The following ASTN2 variants were observed in gnomAD, a reference collection of about 807,000 sequenced individuals.
ASTN2 encodes astrotactin 2.
A neutral mutation model predicts 139.8 loss-of-function variants in ASTN2; 54 were observed. The ratio of observed to expected loss-of-function variants is 0.39; its 90% CI spans 0.31 to 0.48. The LOEUF is 0.48. ASTN2 is among the 20% of genes least tolerant of loss of function. The pLI is 0.95. For synonymous variants in ASTN2, 756 were observed against 719.5 expected (o/e 1.05, Z -0.81); for missense variants, 1,565 against 1,725.1 (o/e 0.91, Z 1.64).
At chr9:117,154,847 TAAG>T (rs1011584895) in intron 3 of ASTN2, among the ~76,000 whole-genome samples, 5 of 152,028 alleles carry the variant, frequency 3.3e-5, no homozygotes, top group African/African-American at 1.2e-4. Context: ...ATATATATAA[TAAG>T]GATTTAAATA....
At position 117,222,427 on chromosome 9, in the gene ASTN2, A is replaced by T. The variant is rs1430776996; in HGVS notation, c.631-7685T>A. Among the ~76,000 whole-genome samples the T allele has an allele frequency of 3.9e-5, 6 of 152,254 alleles. No individual in the cohort carries two copies. The South Asian group carries it at 1.0e-3, about 26-fold the overall frequency. On this transcript the variant is annotated intron_variant, in intron 2 of 22. Coordinates refer to ENST00000313400, the MANE Select transcript of ASTN2 (RefSeq NM_001365068.1). ...TGGGGAGCAGAGACTGGGGCCTGAA[A>T]GGAGACTTGTCAGAGTACGTGGAGC...
chr9:117,217,976 T>A (rs577653484), intron 2 of ASTN2, among the ~76,000 whole-genome samples: 20 of 152,326 alleles, frequency 1.3e-4, no homozygotes, highest in South Asian at 1.0e-3. Context: ...AACTCAGGCA[T>A]AGAGACAAAC....
At chr9:116,655,260 C>T (rs1050533075) in intron 16 of ASTN2, among the ~76,000 whole-genome samples, 15 of 152,226 alleles carry the variant, frequency 9.9e-5, no homozygotes, top group African/African-American at 3.4e-4. Context: ...CCTCTGTAGA[C>T]ATTACAATTG....
intron 11 of ASTN2, among the ~76,000 whole-genome samples, chr9:116,836,638 G>C (rs1832003443): frequency 1.3e-5 from 2 of 151,918 alleles, no homozygotes. Flanking sequence ...TGGCATTTCT[G>C]AGCTGCAGGC....
intron 20 of ASTN2, among the ~76,000 whole-genome samples, chr9:116,442,876 G>A (rs907069564): frequency 5.3e-5 from 8 of 152,196 alleles, no homozygotes; most frequent in Non-Finnish European, 1.2e-4. Context: ...TCTGAGAAGT[G>A]AGCCCCATTG....
intron 9 of ASTN2, among the ~76,000 whole-genome samples, chr9:116,975,800 C>T (rs1836326680): frequency 6.6e-6 from 1 of 152,168 alleles, no homozygotes; most frequent in Non-Finnish European, 1.5e-5. Flanking sequence ...TGAAGTTTTA[C>T]ACAAGATTTT....
At chr9:116,793,826 G>A (rs746910303) in intron 13 of ASTN2, among the ~76,000 whole-genome samples, 10 of 152,104 alleles carry the variant, frequency 6.6e-5, no homozygotes, top group Non-Finnish European at 1.2e-4. Flanking sequence ...AGAAGCACTG[G>A]CATAATTCAT....
rs545516367 is a variant in ASTN2 at position 116,787,578 on chromosome 9, A to G, written c.2396+18054T>C. 9.8e-5 allele frequency among the ~76,000 whole-genome samples: 15 copies of G among 152,328 alleles called. No individual in the cohort carries two copies. In the South Asian group the frequency reaches 2.9e-3, roughly 29 times the overall value. Reference sequence around the variant, plus strand: ...AAGAATAACTCAATGTGCTGGACATATCCTATTGTTCAATCTCCTAATGTC... The same window carrying G: ...AAGAATAACTCAATGTGCTGGACATGTCCTATTGTTCAATCTCCTAATGTC... On this transcript the variant is annotated intron_variant, in intron 13 of 22. Coordinates refer to ENST00000313400, the MANE Select transcript of ASTN2 (RefSeq NM_001365068.1).
At chr9:116,817,904 A>G (rs1831375711) in intron 12 of ASTN2, among the ~76,000 whole-genome samples, 1 of 152,196 alleles carries the variant, frequency 6.6e-6, no homozygotes, top group Non-Finnish European at 1.5e-5. Flanking sequence ...CTTGCCAAAG[A>G]TCACATGACT....
chr9:116,452,228 C>A (rs916850932), intron 20 of ASTN2, among the ~76,000 whole-genome samples: 2 of 152,148 alleles, frequency 1.3e-5, no homozygotes, highest in Non-Finnish European at 2.9e-5. Flanking sequence ...TTAAAAATAT[C>A]TTTATTATAT....
At chr9:117,333,837 A>C (rs1019439038) in intron 1 of ASTN2, among the ~76,000 whole-genome samples, 1 of 152,142 alleles carries the variant, frequency 6.6e-6, no homozygotes, top group African/African-American at 2.4e-5. Context: ...TAATTGAAAG[A>C]GGAGAGAAAC....
chr9:117,358,267 C>T (rs1587978028), intron 1 of ASTN2, among the ~76,000 whole-genome samples: 1 of 87,200 alleles, frequency 1.1e-5, no homozygotes, highest in Non-Finnish European at 2.9e-5. Flanking sequence ...TGCAGACACA[C>T]ACACACACAC....
intron 12 of ASTN2, among the ~76,000 whole-genome samples, chr9:116,813,047 A>T (rs1205391883): frequency 1.3e-5 from 2 of 152,138 alleles, no homozygotes; most frequent in Non-Finnish European, 2.9e-5. Context: ...GTACTATGAC[A>T]CATAATTATA....
At chr9:116,548,776 G>T (rs563691094) in intron 19 of ASTN2, among the ~76,000 whole-genome samples, 2 of 152,178 alleles carry the variant, frequency 1.3e-5, no homozygotes, top group South Asian at 4.2e-4. Context: ...GCCCGGCCTG[G>T]GGAAGGTTTT....
At chr9:117,366,842 T>A (rs1412350398) in intron 1 of ASTN2, among the ~76,000 whole-genome samples, 1 of 152,134 alleles carries the variant, frequency 6.6e-6, no homozygotes, top group Non-Finnish European at 1.5e-5. Flanking sequence ...TGGCATGATC[T>A]CATCTCACTG....
At chr9:116,612,491 T>C (rs1855597490) in intron 19 of ASTN2, 1 of 152,050 alleles carries the variant, frequency 6.6e-6, no homozygotes, top group Non-Finnish European at 1.5e-5. Flanking sequence ...CCTCAGCAAA[T>C]GTAAAAGAAA....
At chr9:116,441,707 T>C (rs1470136663) in intron 21 of ASTN2, among the ~76,000 whole-genome samples, 1 of 152,172 alleles carries the variant, frequency 6.6e-6, no homozygotes, top group Admixed American at 6.5e-5. Context: ...ATGTCTCTAC[T>C]GCATTGCTTG....
chr9:116,632,198 A>AGGGAGAGAG (rs1311718818), intron 17 of ASTN2, among the ~76,000 whole-genome samples: 4 of 36,776 alleles, frequency 1.1e-4, no homozygotes, highest in Admixed American at 3.5e-4. Context: ...GAGAGAGAGA[A>AGGGAGAGAG]AGAAAGAAAA....
chr9:116,873,414 C>T (rs1833214910), intron 10 of ASTN2, among the ~76,000 whole-genome samples: 1 of 152,200 alleles, frequency 6.6e-6, no homozygotes, highest in African/African-American at 2.4e-5. Flanking sequence ...CAAGTTACTG[C>T]TCCAGCCTTC....
Sources: allele counts gnomAD v4.1 joint callset (sites outside exome capture counted in the v4.1 genomes callset), GRCh38; gene constraint gnomAD v4.1.1; transcripts MANE v1.5; gene names NCBI Gene and HGNC (gene_info 2026-07-23, HGNC 2026-07-21).